SATL1: variants seen among roughly 807,000 people sequenced by gnomAD.
SATL1 encodes the protein spermidine/spermine N(1)-acetyltransferase-like protein 1.
Under a neutral mutation model 51.8 loss-of-function variants are expected in SATL1, and 47 were observed. The ratio of observed to expected loss-of-function variants is 0.91; its 90% CI spans 0.72 to 1.16. SATL1 has a LOEUF of 1.16. Ranked by LOEUF, SATL1 falls within the 50% of genes most tolerant of loss-of-function variation. The probability of loss-of-function intolerance (pLI) is 0.00; values close to 1 mark genes in which losing one functional copy is unlikely to be tolerated. For synonymous variants in SATL1, 176 were observed against 182.4 expected, an observed-to-expected ratio of 0.97 and a Z score of 0.28; for missense variants, 520 against 526.4, an observed-to-expected ratio of 0.99 and a Z score of 0.12.
intron 2 of SATL1, among the ~76,000 whole-genome samples, chrX:85,163,512 T>C (rs1241362155): frequency 9.0e-6 from 1 of 111,727 alleles, no homozygotes; most frequent in Non-Finnish European, 1.9e-5. Flanking sequence ...CTTTATTTCA[T>C]TGTTGACCCA....
chrX:85,225,086 G>A (rs1419476529), intron 1 of SATL1, among the ~76,000 whole-genome samples: 1 of 111,816 alleles, frequency 8.9e-6, no homozygotes, highest in African/African-American at 3.2e-5. Flanking sequence ...AGACAAAGAG[G>A]ACAGATTAGT....
chrX:85,142,361 A>T (rs1002021075), intron 2 of SATL1, among the ~76,000 whole-genome samples: 1 of 99,791 alleles, frequency 1.0e-5, no homozygotes, highest in Non-Finnish European at 2.0e-5. Context: ...ACACCACTGC[A>T]CTCCAGCCTG....
At chrX:85,130,904 A>G (rs369472695) in intron 2 of SATL1, among the ~76,000 whole-genome samples, 3 of 111,378 alleles carry the variant, frequency 2.7e-5, no homozygotes, top group Non-Finnish European at 5.7e-5. Context: ...TTTGTTATTT[A>G]CCCAGTAGTC....
At chrX:85,131,292 G>C (rs115126809) in intron 2 of SATL1, among the ~76,000 whole-genome samples, 1 of 110,764 alleles carries the variant, frequency 9.0e-6, no homozygotes, top group Non-Finnish European at 1.9e-5. Flanking sequence ...AAGTCTCTTC[G>C]TAAGTCTCTA....
At chrX:85,152,455 T>A (rs1289737994) in intron 2 of SATL1, among the ~76,000 whole-genome samples, 2 of 111,783 alleles carry the variant, frequency 1.8e-5, no homozygotes, top group African/African-American at 6.5e-5. Context: ...GACCCAGCCA[T>A]CCCATTACTG....
chrX:85,163,472 C>T (rs1020452334), intron 2 of SATL1, among the ~76,000 whole-genome samples: 16 of 110,923 alleles, frequency 1.4e-4, no homozygotes, highest in Non-Finnish European at 2.8e-4. Flanking sequence ...TCATTATTAT[C>T]GTGAAGTTCA....
intron 2 of SATL1, among the ~76,000 whole-genome samples, chrX:85,202,432 C>G (rs1927705608): frequency 9.0e-6 from 1 of 111,616 alleles, no homozygotes; most frequent in Non-Finnish European, 1.9e-5. Context: ...TGTTTCCTCA[C>G]AGTTGCAGCT....
intron 2 of SATL1, among the ~76,000 whole-genome samples, chrX:85,167,251 T>A (rs760013353): frequency 1.2e-5 from 1 of 84,463 alleles, no homozygotes; most frequent in Non-Finnish European, 2.3e-5. Context: ...ATCAGAGAGA[T>A]GGGGGGGGGG....
At chrX:85,172,514 G>A (rs1926994162) in intron 2 of SATL1, among the ~76,000 whole-genome samples, 2 of 110,648 alleles carry the variant, frequency 1.8e-5, no homozygotes, top group African/African-American at 6.6e-5. Flanking sequence ...TAGACCAGAG[G>A]CAAAGGAAAG....
At chrX:85,198,381 T>C (rs1325287153) in intron 2 of SATL1, among the ~76,000 whole-genome samples, 3 of 111,536 alleles carry the variant, frequency 2.7e-5, no homozygotes, top group Non-Finnish European at 5.6e-5. Context: ...AGTACTTCTA[T>C]TTTTAGTTTC....
intron 2 of SATL1, among the ~76,000 whole-genome samples, chrX:85,159,548 G>A (rs761968684): frequency 6.6e-4 from 74 of 111,685 alleles, no homozygotes; most frequent in East Asian, 5.4e-3. Flanking sequence ...ATTGTCTTCC[G>A]GGAAACTGGT....
Position 85,103,891 on chromosome X carries a change from G to A in SATL1, c.1666C>T (p.Leu556=), listed in dbSNP as rs149050330. 27 of 1,193,530 alleles carry A rather than the reference G, an allele frequency of 2.3e-5. No individual in the cohort carries two copies. The highest frequency in any genetic ancestry group is 3.1e-5 in the Non-Finnish European group (27 of 881,606). Residue 556 remains leucine, a synonymous_variant, in exon 4 of 8, where the codon CTA becomes TTA. Transcript: ENST00000644105. ...GCTGCTGTTAACTCCATTGCATCTA[G>A]CATGTTTTCACAGGCAGCCAATTCC... The part of the protein sequence containing the change: ...IKELAACENM[L]DAMELTAADL...
chrX:85,119,170 G>A (rs1012145868), intron 2 of SATL1, among the ~76,000 whole-genome samples: 3 of 111,002 alleles, frequency 2.7e-5, no homozygotes, highest in Non-Finnish European at 5.7e-5. Context: ...AATAAACTGA[G>A]GCTTAGAGAA....
At chrX:85,146,445 A>G (rs1218819876) in intron 2 of SATL1, among the ~76,000 whole-genome samples, 1 of 111,861 alleles carries the variant, frequency 8.9e-6, no homozygotes, top group Non-Finnish European at 1.9e-5. Flanking sequence ...TAGCTCATGT[A>G]CTCTATAAAT....
chrX:85,129,288 G>A (rs1046076920), intron 2 of SATL1, among the ~76,000 whole-genome samples: 3 of 112,043 alleles, frequency 2.7e-5, no homozygotes, highest in Admixed American at 9.5e-5. Context: ...AGCATGGAAT[G>A]TTCTTCCATT....
At chrX:85,161,491 A>C (rs900945493) in intron 2 of SATL1, among the ~76,000 whole-genome samples, 11 of 110,444 alleles carry the variant, frequency 1.0e-4, no homozygotes, top group African/African-American at 2.6e-4. Context: ...AAAAAAAAAA[A>C]AAAACAGAAA....
intron 6 of SATL1, 183 bp from the exon 7 acceptor site, chrX:85,093,408 G>A: frequency 2.4e-6 from 1 of 414,173 alleles, no homozygotes; most frequent in Non-Finnish European, 4.1e-6. Context: ...ACGTACCAAA[G>A]GTCATAGAAG....
At chrX:85,115,395 A>G (rs1290101897) in intron 2 of SATL1, among the ~76,000 whole-genome samples, 4 of 112,748 alleles carry the variant, frequency 3.5e-5, no homozygotes, top group Admixed American at 1.9e-4. Flanking sequence ...TGAAAAGTAT[A>G]TGGTAAGTCA....
intron 2 of SATL1, among the ~76,000 whole-genome samples, chrX:85,197,827 TCATCATTTTTTATG>T (rs1927606243): frequency 1.8e-5 from 2 of 110,735 alleles, no homozygotes; most frequent in African/African-American, 6.6e-5. Flanking sequence ...GGATATGAGC[TCATCATTTTTTATG>T]GCTGCATAGT....
Sources: gnomAD v4.1 joint callset for allele counts (sites outside exome capture counted in the v4.1 genomes callset) on GRCh38, gnomAD v4.1.1 for gene constraint, MANE v1.5 for transcripts, NCBI Gene and HGNC (gene_info 2026-07-23, HGNC 2026-07-21) for gene names.